ZFY: variants seen among roughly 807,000 people sequenced by gnomAD.
ZFY encodes zinc finger protein Y-linked.
For missense variants in ZFY, 113 were observed against 170.9 expected (o/e 0.66, Z 1.89); for synonymous variants, 47 against 55.8 (o/e 0.84, Z 0.71).
At chrY:2,972,058 CAAAAAAAAAAAA>C (rs771756819) in intron 3 of ZFY, among the ~76,000 whole-genome samples, 13 of 7,037 alleles carry the variant, frequency 1.8e-3, no homozygotes, top group Non-Finnish European at 3.6e-3. Context: ...ACTCCTATCT[CAAAAAAAAAAAA>C]AAAAAAAAGA....
intron 1 of ZFY, 36 bp from the exon 2 acceptor site, chrY:2,953,873 A>G: frequency 3.8e-6 from 1 of 260,999 alleles, no homozygotes; most frequent in Non-Finnish European, 5.8e-6. Context: ...TGTGATATAA[A>G]AATTAATGTT....
chrY:2,957,513 C>T, intron 2 of ZFY, among the ~76,000 whole-genome samples: 1 of 32,971 alleles, frequency 3.0e-5, no homozygotes, highest in Non-Finnish European at 7.5e-5. Flanking sequence ...TTAAGGAAAT[C>T]TAGGCTTTTT....
Position 2,975,669 on chromosome Y carries a change from A to T in ZFY, c.928+15A>T, listed in dbSNP as rs778019407. On this transcript the variant is annotated intron_variant, in intron 5 of 7. Coordinates refer to ENST00000155093, the MANE Select transcript of ZFY (RefSeq NM_003411.4). ...TGAAGATTTAAGTATGTGGCTTTTT[A>T]AAAAAAAATTTTTACTTTAAGTTCT... is the stretch of plus-strand genomic sequence containing the variant. 2.4e-5 allele frequency: 9 copies of T among 374,581 alleles called. No individual in the cohort carries two copies. The highest frequency in any genetic ancestry group is 1.3e-4 in the South Asian group (4 of 31,061). The allele number at this position is 374,581 out of a possible 400,897, so 93.4% of individuals were successfully genotyped here.
Position 2,961,071 on chromosome Y carries a change from A to G in ZFY, c.62-3A>G. 2.5e-6 allele frequency: 1 copy of G among 394,224 alleles called. No individual in the cohort carries two copies. Among genetic ancestry groups the G allele is most frequent in the Non-Finnish European group, 3.6e-6 (1 of 279,322 alleles). On this transcript the variant is annotated splice_region_variant and splice_polypyrimidine_tract_variant and intron_variant, in intron 2 of 7. Coordinates refer to ENST00000155093, the MANE Select transcript of ZFY (RefSeq NM_003411.4). ...TTTGTCATTTTAATTTTTATTCTTT[A>G]AGGAGCTGATGCTACACACATGGAT...
intron 1 of ZFY, among the ~76,000 whole-genome samples, chrY:2,939,455 G>A (rs1198560120): frequency 6.0e-5 from 2 of 33,436 alleles, no homozygotes; most frequent in African/African-American, 2.3e-4. Context: ...TCCACAGCAG[G>A]TAATTGGTGT....
At chrY:2,959,897 G>A in intron 2 of ZFY, among the ~76,000 whole-genome samples, 1 of 27,434 alleles carries the variant, frequency 3.6e-5, no homozygotes, top group Non-Finnish European at 8.5e-5. Context: ...AGAAAAATCC[G>A]GTGAGGTAGT....
intron 1 of ZFY, 50 bp downstream of exon 1, chrY:2,935,819 G>A: frequency 2.9e-5 from 1 of 34,366 alleles, no homozygotes; most frequent in East Asian, 7.9e-4. Context: ...AAATGTCCGC[G>A]AAGGGGAGGA....
intron 3 of ZFY, among the ~76,000 whole-genome samples, chrY:2,962,036 C>T (rs2051313607): frequency 3.1e-5 from 1 of 31,906 alleles, no homozygotes; most frequent in African/African-American, 1.2e-4. Context: ...CCTTATTGTC[C>T]GTTTTCTCTT....
At chrY:2,967,612 T>TG (rs2051333321) in intron 3 of ZFY, among the ~76,000 whole-genome samples, 1 of 28,391 alleles carries the variant, frequency 3.5e-5, no homozygotes, top group Non-Finnish European at 8.4e-5. Flanking sequence ...TCACCCAGGC[T>TG]GGAGTGCAGT....
At chrY:2,973,371 T>C (rs2051354619) in intron 3 of ZFY, among the ~76,000 whole-genome samples, 1 of 33,655 alleles carries the variant, frequency 3.0e-5, no homozygotes, top group Non-Finnish European at 7.3e-5. Flanking sequence ...TTTTAAAGTT[T>C]GCACCTCTAA....
intron 2 of ZFY, among the ~76,000 whole-genome samples, chrY:2,959,103 A>G (rs2051301192): frequency 3.0e-5 from 1 of 33,531 alleles, no homozygotes; most frequent in Non-Finnish European, 7.4e-5. Flanking sequence ...AAGAGAGACT[A>G]AGTTCTTAGG....
intron 3 of ZFY, among the ~76,000 whole-genome samples, chrY:2,973,266 T>C: frequency 3.1e-5 from 1 of 32,685 alleles, no homozygotes; most frequent in Admixed American, 2.8e-4. Context: ...TTTGCCATGT[T>C]GGCCAGGCTG....
chrY:2,975,223 G>A lies in ZFY; in HGVS notation c.763G>A (p.Asp255Asn). Residue 255 changes from aspartate (D) to asparagine (N), a missense_variant, in exon 4 of 8, where the codon GAC becomes AAC. Physicochemically the swap from Asp to Asn is conservative, Grantham distance 23. Transcript: ENST00000155093. The stretch of plus-strand genomic sequence containing the variant: ...CATCAAGGTGTACATTTTTAAAGCT[G>A]ACCCTGGAGAAGATGACTTAGGTAA... ...EVIKVYIFKA[D>N]PGEDDLGGTV... 1 of 396,172 alleles carries A rather than the reference G, an allele frequency of 2.5e-6. No homozygotes were observed. Among genetic ancestry groups the A allele is most frequent in the South Asian group, 3.0e-5 (1 of 32,893 alleles).
chrY:2,973,614 C>T, intron 3 of ZFY, among the ~76,000 whole-genome samples: 6 of 32,962 alleles, frequency 1.8e-4, no homozygotes, highest in South Asian at 6.8e-4. Context: ...CTTAGTGTTT[C>T]TCTAATGGAC....
chrY:2,935,600 C>T lies in ZFY; in HGVS notation c.-198C>T. ...GGCCCCGAGGAGGCCGCAGTTAGGC[C>T]TAGTGATTATCCAGTTGCCCTGAGC... is the stretch of plus-strand genomic sequence containing the variant. On this transcript the variant is annotated 5_prime_UTR_variant, in exon 1 of 8. Coordinates refer to ENST00000155093, the MANE Select transcript of ZFY (RefSeq NM_003411.4). 2.8e-5 allele frequency: 1 copy of T among 35,749 alleles called. No homozygotes were observed. Among genetic ancestry groups the T allele is most frequent in the Non-Finnish European group, 7.1e-5 (1 of 14,149 alleles). The allele number at this position is 35,749 out of a possible 400,897, so 8.9% of individuals were successfully genotyped here.
intron 3 of ZFY, among the ~76,000 whole-genome samples, chrY:2,967,569 T>TC (rs2051332677): frequency 3.3e-5 from 1 of 30,038 alleles, no homozygotes; most frequent in African/African-American, 1.3e-4. Flanking sequence ...AATAAAACTT[T>TC]TTTTTTTTTT....
intron 1 of ZFY, among the ~76,000 whole-genome samples, chrY:2,944,351 GT>G (rs1309836791): frequency 2.6e-4 from 7 of 26,890 alleles, no homozygotes; most frequent in Admixed American, 1.0e-3. Flanking sequence ...CAATTTTAGA[GT>G]TTTTTTTTTT....
intron 3 of ZFY, among the ~76,000 whole-genome samples, chrY:2,974,143 A>G (rs2124513587): frequency 3.2e-5 from 1 of 31,462 alleles, no homozygotes; most frequent in Non-Finnish European, 7.7e-5. Context: ...AGGTTTGAAC[A>G]GGTTAATATC....
intron 5 of ZFY, 92 bp downstream of exon 5, chrY:2,975,746 T>G: frequency 4.4e-6 from 1 of 228,434 alleles, no homozygotes; most frequent in African/African-American, 7.7e-5. Flanking sequence ...ACATGTGCCA[T>G]GGTGGTTTGC....
Sources: allele counts gnomAD v4.1 joint callset (sites outside exome capture counted in the v4.1 genomes callset), GRCh38; gene constraint gnomAD v4.1.1; transcripts MANE v1.5; gene names NCBI Gene and HGNC (gene_info 2026-07-23, HGNC 2026-07-21).